Variants in SLC8A1 observed in about 807,000 individuals in gnomAD.
The protein encoded by SLC8A1 is solute carrier family 8 member A1, also known as sodium/calcium exchanger 1.
Under a neutral mutation model 68.3 loss-of-function variants are expected in SLC8A1, and 18 were observed. The observed-to-expected ratio is 0.26, with a 90% CI of 0.18 to 0.39. The LOEUF (loss-of-function observed/expected upper bound fraction) is 0.39, where lower values mean the gene tolerates loss of function less well. SLC8A1 is among the 10% of genes least tolerant of loss of function. SLC8A1 has a pLI of 1.00. For synonymous variants in SLC8A1, 475 were observed against 415.5 expected, an observed-to-expected ratio of 1.14 and a Z score of -1.74; for missense variants, 985 against 1,156.7, an observed-to-expected ratio of 0.85 and a Z score of 2.15.
chr2:40,317,020 C>T lies in SLC8A1; in HGVS notation c.1808+111453G>A, dbSNP rs537287970. ...AATTTTTCTACTTTGTTCACTCATA[C>T]GGAGTAAGTGCTCAAAAATTGTGTT... is the stretch of plus-strand genomic sequence containing the variant. On this transcript the variant is annotated intron_variant, in intron 2 of 7. Coordinates refer to ENST00000406785, the Ensembl canonical transcript of SLC8A1. Among the ~76,000 whole-genome samples, 14 of 152,094 alleles carry T rather than the reference C, an allele frequency of 9.2e-5. No individual in the cohort carries two copies. The East Asian group carries it at 1.4e-3, about 15-fold the overall frequency.
At chr2:40,155,000 A>G (rs998509680) in intron 6 of SLC8A1, among the ~76,000 whole-genome samples, 1 of 152,188 alleles carries the variant, frequency 6.6e-6, no homozygotes, top group Non-Finnish European at 1.5e-5. Context: ...ACAAAGGAAA[A>G]TTATGAATGT....
intron 2 of SLC8A1, among the ~76,000 whole-genome samples, chr2:40,270,268 C>G (rs2065866367): frequency 1.3e-5 from 2 of 152,206 alleles, no homozygotes; most frequent in Admixed American, 1.3e-4. Flanking sequence ...GAAGCACTAC[C>G]AAGGAGGATG....
rs1185289266 is a variant in SLC8A1 at position 40,333,459 on chromosome 2, GA to G, written c.1808+95013del. 4.5e-4 allele frequency among the ~76,000 whole-genome samples: 55 copies of G among 123,468 alleles called. 1 individual carries two copies. Among genetic ancestry groups the G allele is most frequent in the East Asian group, 2.9e-3 (12 of 4,138 alleles). 81.0% of individuals were successfully genotyped at this position (123,468 alleles called of 152,430 possible). On this transcript the variant is annotated intron_variant, in intron 2 of 7. Transcript: ENST00000406785. Reference sequence around the variant, plus strand: ...TCTCAAAAAAAAAAAAAAAAGAAAAGAAAAAAAAAAAGAAAAAAGTGTCTTT... The same window carrying G: ...TCTCAAAAAAAAAAAAAAAAGAAAAGAAAAAAAAAAGAAAAAAGTGTCTTT...
At position 40,332,615 on chromosome 2, in the gene SLC8A1, C is replaced by T. The variant is rs189018419; in HGVS notation, c.1808+95858G>A. 9.2e-5 allele frequency among the ~76,000 whole-genome samples: 14 copies of T among 152,222 alleles called. No individual in the cohort carries two copies. The East Asian group carries it at 2.5e-3, about 27-fold the overall frequency. On this transcript the variant is annotated intron_variant, in intron 2 of 7. Coordinates refer to ENST00000406785, the Ensembl canonical transcript of SLC8A1. ...ATGGCTTAGGAACATAATTCTCTAC[C>T]AAGCTGCAGAAAATAAATGACAGGG...
intron 3 of SLC8A1, among the ~76,000 whole-genome samples, chr2:40,175,667 G>T (rs1205473186): frequency 6.6e-6 from 1 of 151,962 alleles, no homozygotes; most frequent in Non-Finnish European, 1.5e-5. Context: ...TATGAGTGAG[G>T]CTTCCTCATT....
chr2:40,105,870 A>G (rs1300953828), exon 8 of SLC8A1: 1 of 152,270 alleles, frequency 6.6e-6, no homozygotes, highest in East Asian at 1.9e-4. Flanking sequence ...GTTCCTGACC[A>G]CATCTGGTAA....
At chr2:40,479,461 T>A (rs1391785754) in intron 1 of SLC8A1, among the ~76,000 whole-genome samples, 1 of 152,220 alleles carries the variant, frequency 6.6e-6, no homozygotes, top group Non-Finnish European at 1.5e-5. Flanking sequence ...AACATTTTTT[T>A]AAGCTCATAA....
At chr2:40,443,308 T>C (rs1700854620) in intron 1 of SLC8A1, among the ~76,000 whole-genome samples, 1 of 152,260 alleles carries the variant, frequency 6.6e-6, no homozygotes, top group South Asian at 2.1e-4. Context: ...TAAATGGCTA[T>C]GGAAGTAAAA....
At chr2:40,224,645 T>G (rs1404668324) in intron 2 of SLC8A1, among the ~76,000 whole-genome samples, 1 of 152,108 alleles carries the variant, frequency 6.6e-6, no homozygotes, top group Non-Finnish European at 1.5e-5. Context: ...GCTTAGGCTT[T>G]GAGTTAGAGC....
chr2:40,445,952 G>C (rs1306353371), intron 1 of SLC8A1, among the ~76,000 whole-genome samples: 2 of 152,186 alleles, frequency 1.3e-5, no homozygotes, highest in African/African-American at 2.4e-5. Context: ...AGAGTAAGCA[G>C]TCTCATTCTC....
At chr2:40,307,008 A>T (rs182958574) in intron 2 of SLC8A1, among the ~76,000 whole-genome samples, 31 of 152,290 alleles carry the variant, frequency 2.0e-4, no homozygotes, top group African/African-American at 6.7e-4. Context: ...CATATATCCA[A>T]AATATTCACA....
intron 6 of SLC8A1, among the ~76,000 whole-genome samples, chr2:40,155,122 AATTATTATT>A (rs71404279): frequency 6.6e-6 from 1 of 151,370 alleles, no homozygotes. Context: ...GACACAGCAG[AATTATTATT>A]ATTATTATTA....
intron 2 of SLC8A1, among the ~76,000 whole-genome samples, chr2:40,351,203 C>A (rs892951490): frequency 6.6e-6 from 1 of 152,086 alleles, no homozygotes. Flanking sequence ...AAGGCAGCGA[C>A]TGAGTGTGAA....
rs56743188 is a variant in SLC8A1 at position 40,408,726 on chromosome 2, G to A, written c.1808+19747C>T. Among the ~76,000 whole-genome samples, 53 of 152,268 alleles carry A rather than the reference G, an allele frequency of 3.5e-4. No homozygotes were observed. The East Asian group carries it at 9.1e-3, about 26-fold the overall frequency. On this transcript the variant is annotated intron_variant, in intron 2 of 7. Transcript: ENST00000406785. ...AAACAGCACGAAAGACCTGTATTTCGAAGGGGCACCAGTTAGATATTTAAA... is the reference window on the plus strand; with the variant it reads ...AAACAGCACGAAAGACCTGTATTTCAAAGGGGCACCAGTTAGATATTTAAA...
At chr2:40,369,983 TAA>T (rs1220615331) in intron 2 of SLC8A1, among the ~76,000 whole-genome samples, 4 of 152,238 alleles carry the variant, frequency 2.6e-5, no homozygotes, top group African/African-American at 9.6e-5. Context: ...ATCTATAAAA[TAA>T]AGACCACAGA....
intron 2 of SLC8A1, among the ~76,000 whole-genome samples, chr2:40,322,343 C>G (rs781056651): frequency 6.6e-6 from 1 of 151,692 alleles, no homozygotes; most frequent in Non-Finnish European, 1.5e-5. Context: ...AGGAAAAGGA[C>G]ACCATAATTT....
intron 7 of SLC8A1, among the ~76,000 whole-genome samples, chr2:40,131,797 C>T (rs57225450): frequency 0.016 from 2,325 of 145,600 alleles, 70 homozygotes; most frequent in African/African-American, 0.055. Flanking sequence ...CCAAATCTCT[C>T]TTTGTGTTCA....
chr2:40,176,133 A>C (rs1181764016), intron 3 of SLC8A1: 3 of 206,150 alleles, frequency 1.5e-5, no homozygotes, highest in East Asian at 3.0e-4. Flanking sequence ...AAATATATCA[A>C]ATTATTTCCT....
chr2:40,111,140 G>T (rs1227250241), exon 8 of SLC8A1: 6 of 152,184 alleles, frequency 3.9e-5, no homozygotes, highest in African/African-American at 1.4e-4. Flanking sequence ...AGTGCTATTA[G>T]GCTATGAACT....
Sources: gnomAD v4.1 joint callset for allele counts (sites outside exome capture counted in the v4.1 genomes callset) on GRCh38, gnomAD v4.1.1 for gene constraint, MANE v1.5 for transcripts, NCBI Gene and HGNC (gene_info 2026-07-23, HGNC 2026-07-21) for gene names.